The following COG5 variants were observed in gnomAD, a reference collection of about 807,000 sequenced individuals.
The protein encoded by COG5 is component of oligomeric golgi complex 5, also known as conserved oligomeric Golgi complex subunit 5.
In COG5, 86 loss-of-function variants were observed where a neutral mutation model predicts 110.4. The observed-to-expected ratio is 0.78, with a 90% CI of 0.65 to 0.93. The LOEUF (loss-of-function observed/expected upper bound fraction) is 0.93, where lower values mean the gene tolerates loss of function less well. Among genes scored for constraint, COG5 ranks in the 40% least tolerant of loss-of-function variants. The pLI, the probability that COG5 is intolerant of heterozygous loss-of-function variation, is 0.00. For synonymous variants in COG5, 360 were observed against 334.6 expected (o/e 1.08, Z -0.83); for missense variants, 1,077 against 987.0 (o/e 1.09, Z -1.22).
intron 10 of COG5, among the ~76,000 whole-genome samples, chr7:107,351,894 T>A (rs1335345292): frequency 1.3e-5 from 2 of 149,328 alleles, no homozygotes; most frequent in Non-Finnish European, 3.0e-5. Context: ...ATTGTGGAAG[T>A]CAGTGTGGCG....
At chr7:107,320,101 G>C (rs756933049) in intron 11 of COG5, among the ~76,000 whole-genome samples, 1 of 152,156 alleles carries the variant, frequency 6.6e-6, no homozygotes, top group Non-Finnish European at 1.5e-5. Context: ...CTAGACAAAT[G>C]AGAGATAAGG....
At chr7:107,447,419 T>C (rs1795072372) in intron 6 of COG5, among the ~76,000 whole-genome samples, 1 of 152,206 alleles carries the variant, frequency 6.6e-6, no homozygotes. Context: ...AGGGGGCTAT[T>C]ATTCTTCAGA....
In COG5 at chr7:107,211,084, G is replaced by T; in HGVS notation, c.2295+15C>A. ...AAGAGTCACAAAAGGGTTCTGGCTT[G>T]ACTTTATTTATTACCTGGAAAGGAG... On this transcript the variant is annotated intron_variant, in intron 20 of 21. Coordinates refer to ENST00000297135, the MANE Select transcript of COG5 (RefSeq NM_006348.5). The T allele has an allele frequency of 2.5e-6, 4 of 1,613,728 alleles. No homozygotes were observed. The highest frequency in any genetic ancestry group is 4.5e-5 in the East Asian group (2 of 44,868).
intron 14 of COG5, among the ~76,000 whole-genome samples, chr7:107,261,138 T>G (rs547280181): frequency 2.0e-5 from 3 of 152,254 alleles, no homozygotes; most frequent in African/African-American, 7.2e-5. Flanking sequence ...ATCCTGTGAA[T>G]AGGGTATTTT....
intron 5 of COG5, among the ~76,000 whole-genome samples, chr7:107,542,214 G>T (rs1456550843): frequency 2.0e-5 from 3 of 152,014 alleles, no homozygotes; most frequent in Non-Finnish European, 2.9e-5. Context: ...AGAGCGAGAA[G>T]GAGAAAAAAA....
intron 6 of COG5, among the ~76,000 whole-genome samples, chr7:107,509,850 G>A (rs1013004916): frequency 6.7e-6 from 1 of 148,358 alleles, no homozygotes; most frequent in Non-Finnish European, 1.5e-5. Context: ...AGCAAATGCT[G>A]AGAGATTTTG....
intron 11 of COG5, among the ~76,000 whole-genome samples, chr7:107,315,659 ATTAC>A (rs1422356460): frequency 6.6e-6 from 1 of 151,970 alleles, no homozygotes; most frequent in African/African-American, 2.4e-5. Context: ...TTGCCAAAAC[ATTAC>A]TTACTTAGAC....
intron 19 of COG5, among the ~76,000 whole-genome samples, chr7:107,230,066 G>T (rs1800670954): frequency 6.6e-6 from 1 of 151,932 alleles, no homozygotes; most frequent in Non-Finnish European, 1.5e-5. Context: ...GGCCAGGATG[G>T]TCTTGATCTC....
At chr7:107,475,618 TA>T (rs1796927559) in intron 6 of COG5, 1 of 321,294 alleles carries the variant, frequency 3.1e-6, no homozygotes, top group Admixed American at 4.5e-5. Context: ...AATATTCATG[TA>T]AGTCATATTT....
At chr7:107,498,022 T>C (rs909277867) in intron 6 of COG5, among the ~76,000 whole-genome samples, 2 of 152,136 alleles carry the variant, frequency 1.3e-5, no homozygotes, top group African/African-American at 4.8e-5. Context: ...GTGCCATGAA[T>C]ACACAAGGAG....
intron 19 of COG5, among the ~76,000 whole-genome samples, chr7:107,226,880 T>C (rs1174808846): frequency 1.3e-5 from 2 of 152,318 alleles, no homozygotes; most frequent in East Asian, 1.9e-4. Flanking sequence ...AATATAATGG[T>C]ATATAGAAAA....
chr7:107,258,439 CT>C, intron 14 of COG5, 56 bp from the exon 15 acceptor site: 1 of 930,490 alleles, frequency 1.1e-6, no homozygotes. Context: ...CTCTCTCTCT[CT>C]CTCTCTCTCT....
intron 12 of COG5, among the ~76,000 whole-genome samples, chr7:107,294,325 C>G (rs1472972743): frequency 6.6e-6 from 1 of 152,152 alleles, no homozygotes; most frequent in East Asian, 1.9e-4. Context: ...TATCCTGTTT[C>G]AAAAATACAT....
intron 7 of COG5, among the ~76,000 whole-genome samples, chr7:107,373,342 CATAA>C (rs565369085): frequency 2.6e-5 from 4 of 152,034 alleles, no homozygotes; most frequent in South Asian, 2.1e-4. Context: ...ATGTACAAAA[CATAA>C]ATAAAACAGA....
intron 12 of COG5, among the ~76,000 whole-genome samples, chr7:107,289,191 G>C (rs201137783): frequency 6.6e-6 from 1 of 151,460 alleles, no homozygotes; most frequent in East Asian, 1.9e-4. Flanking sequence ...GTTAATTTTT[G>C]TATATGATGT....
chr7:107,272,602 A>G (rs1444920443), intron 14 of COG5, among the ~76,000 whole-genome samples: 1 of 152,140 alleles, frequency 6.6e-6, no homozygotes, highest in Non-Finnish European at 1.5e-5. Context: ...TTTTCATAAA[A>G]CTTGCAAATG....
At chr7:107,502,759 T>C (rs376510532) in intron 6 of COG5, among the ~76,000 whole-genome samples, 1 of 152,194 alleles carries the variant, frequency 6.6e-6, no homozygotes, top group African/African-American at 2.4e-5. Flanking sequence ...ATTTCTCTAA[T>C]GATTAGGGAT....
intron 11 of COG5, among the ~76,000 whole-genome samples, chr7:107,305,370 G>T (rs981116838): frequency 6.6e-6 from 1 of 152,020 alleles, no homozygotes; most frequent in African/African-American, 2.4e-5. Flanking sequence ...TCAATCAACT[G>T]CCAGGCCTTC....
At chr7:107,534,843 C>T (rs1801465938) in intron 5 of COG5, among the ~76,000 whole-genome samples, 3 of 151,586 alleles carry the variant, frequency 2.0e-5, no homozygotes, top group Admixed American at 2.0e-4. Context: ...CAGAACTCTC[C>T]ACCCCAAATC....
Sources: allele counts gnomAD v4.1 joint callset (sites outside exome capture counted in the v4.1 genomes callset), GRCh38; gene constraint gnomAD v4.1.1; transcripts MANE v1.5; gene names NCBI Gene and HGNC (gene_info 2026-07-23, HGNC 2026-07-21).